CMPK1: variants seen among roughly 807,000 people sequenced by gnomAD.
The protein encoded by CMPK1 is UMP-CMP kinase.
Under a neutral mutation model 25.7 loss-of-function variants are expected in CMPK1, and 10 were observed. That is an observed-to-expected ratio of 0.39 (90% CI 0.24 to 0.66). The LOEUF (loss-of-function observed/expected upper bound fraction) is 0.66, where lower values mean the gene tolerates loss of function less well. CMPK1 is among the 30% of genes least tolerant of loss of function. The pLI is 0.48. For synonymous variants in CMPK1, 106 were observed against 101.5 expected (o/e 1.04, Z -0.27); for missense variants, 199 against 280.5 (o/e 0.71, Z 2.08).
chr1:47,339,746 C>T lies in CMPK1; in HGVS notation c.171+5630C>T, dbSNP rs1204959948. Among the ~76,000 whole-genome samples the T allele has an allele frequency of 4.5e-5, 6 of 133,424 alleles. No individual in the cohort carries two copies. The East Asian group carries it at 6.6e-4, about 15-fold the overall frequency. The allele number at this position is 133,424 out of a possible 152,430, so 87.5% of individuals were successfully genotyped here. ...TTTTTAAGACAGAGCCTTACTCTGT[C>T]GCCCAGACGGGAGTGCAGTGGCATG... On this transcript the variant is annotated intron_variant, in intron 1 of 5. Coordinates refer to ENST00000371873, the MANE Select transcript of CMPK1 (RefSeq NM_016308.3).
chr1:47,367,535 A>C (rs1480880673), intron 1 of CMPK1, among the ~76,000 whole-genome samples: 1 of 152,204 alleles, frequency 6.6e-6, no homozygotes, highest in Non-Finnish European at 1.5e-5. Context: ...ATCGAAGCTA[A>C]AGATAACATT....
intron 1 of CMPK1, among the ~76,000 whole-genome samples, chr1:47,337,305 A>C (rs1263047768): frequency 6.6e-6 from 1 of 152,072 alleles, no homozygotes; most frequent in Non-Finnish European, 1.5e-5. Flanking sequence ...TAAATAAATA[A>C]ATAAATACAT....
At chr1:47,369,976 G>A (rs1173926965) in intron 2 of CMPK1, among the ~76,000 whole-genome samples, 44 of 144,066 alleles carry the variant, frequency 3.1e-4, no homozygotes, top group African/African-American at 1.1e-3. Flanking sequence ...GTGCAGTGGC[G>A]TGAACTCGGC....
At chr1:47,356,964 CT>C (rs11286214) in intron 1 of CMPK1, among the ~76,000 whole-genome samples, 107,969 of 119,240 alleles carry the variant, frequency 0.91, 49,337 homozygotes, top group South Asian at 0.97. Flanking sequence ...CCTGGTCTGC[CT>C]TTTTTTTTTT....
intron 1 of CMPK1, among the ~76,000 whole-genome samples, chr1:47,363,076 T>C (rs367604546): frequency 2.0e-5 from 3 of 152,322 alleles, no homozygotes; most frequent in South Asian, 4.1e-4. Context: ...ATATGTCTTA[T>C]TTATATTACA....
intron 1 of CMPK1, among the ~76,000 whole-genome samples, chr1:47,349,752 T>G (rs1450791645): frequency 6.6e-6 from 1 of 151,992 alleles, no homozygotes; most frequent in African/African-American, 2.4e-5. Context: ...ATGTTCTTGT[T>G]TGTTTGTTTG....
chr1:47,373,148 C>T, intron 3 of CMPK1, 41 bp downstream of exon 3: 1 of 1,529,748 alleles, frequency 6.5e-7, no homozygotes, highest in South Asian at 1.2e-5. Context: ...CTTTAAGCAA[C>T]TGTTAGTCAA....
chr1:47,369,965 A>T (rs1423446147), intron 2 of CMPK1, among the ~76,000 whole-genome samples: 5 of 124,538 alleles, frequency 4.0e-5, no homozygotes, highest in Non-Finnish European at 7.9e-5. Flanking sequence ...CCCAGGCTGG[A>T]GTGCAGTGGC....
intron 1 of CMPK1, among the ~76,000 whole-genome samples, chr1:47,353,025 T>C (rs558516630): frequency 6.6e-6 from 1 of 152,224 alleles, no homozygotes; most frequent in African/African-American, 2.4e-5. Context: ...GGAGTAACAA[T>C]GAAGGTGATT....
At chr1:47,373,204 C>A in intron 3 of CMPK1, 97 bp downstream of exon 3, 2 of 1,152,170 alleles carry the variant, frequency 1.7e-6, no homozygotes, top group Non-Finnish European at 2.4e-6. Context: ...TTTATATTGG[C>A]AGCAGTGTTT....
At chr1:47,354,947 C>G (rs574036479) in intron 1 of CMPK1, among the ~76,000 whole-genome samples, 1 of 152,170 alleles carries the variant, frequency 6.6e-6, no homozygotes, top group South Asian at 2.1e-4. Context: ...ATACTGGTTT[C>G]TCCATATTCT....
intron 1 of CMPK1, among the ~76,000 whole-genome samples, chr1:47,358,048 CT>C (rs1646574821): frequency 6.9e-6 from 1 of 144,988 alleles, no homozygotes; most frequent in Non-Finnish European, 1.5e-5. Context: ...TAGGAGTAAC[CT>C]GTATGAGTTT....
chr1:47,378,294 A>G lies in CMPK1; in HGVS notation c.*1549A>G, dbSNP rs1368033608. ...ATTATCTTGGTTTCTTGGAAGAGAT[A>G]GGAATGAGTTCTTATCTAGTGTTGC... On this transcript the variant is annotated 3_prime_UTR_variant, in exon 6 of 6. Transcript: ENST00000371873. 1 of 152,218 alleles carries G rather than the reference A, an allele frequency of 6.6e-6. No individual in the cohort carries two copies. Among genetic ancestry groups the G allele is most frequent in the South Asian group, 2.1e-4 (1 of 4,834 alleles). The allele number at this position is 152,218 out of a possible 1,614,324, so 9.4% of individuals were successfully genotyped here.
rs1646718654 is a variant in CMPK1 at position 47,377,982 on chromosome 1, T to C, written c.*1237T>C. On this transcript the variant is annotated 3_prime_UTR_variant, in exon 6 of 6. Coordinates refer to ENST00000371873, the MANE Select transcript of CMPK1 (RefSeq NM_016308.3). ...CACAATGCTAAGTGGTATCCGAGGTTCTTAATATGAGATTTAAAATCTTAA... is the reference window on the plus strand; with the variant it reads ...CACAATGCTAAGTGGTATCCGAGGTCCTTAATATGAGATTTAAAATCTTAA... The C allele has an allele frequency of 6.6e-6, 1 of 152,392 alleles. No individual in the cohort carries two copies. The highest frequency in any genetic ancestry group is 2.4e-5 in the African/African-American group (1 of 41,464). 9.4% of individuals were successfully genotyped at this position (152,392 alleles called of 1,614,324 possible).
At chr1:47,365,283 T>TC (rs1442265575) in intron 1 of CMPK1, among the ~76,000 whole-genome samples, 3 of 151,460 alleles carry the variant, frequency 2.0e-5, no homozygotes, top group African/African-American at 7.3e-5. Context: ...TTTTTTTTTT[T>TC]TTTGTCTTGT....
chr1:47,342,652 T>TTTC (rs957516759), intron 1 of CMPK1, among the ~76,000 whole-genome samples: 4 of 143,024 alleles, frequency 2.8e-5, no homozygotes, highest in African/African-American at 7.7e-5. Context: ...CTTTTTTCTT[T>TTTC]TTTTTTTTTT....
chr1:47,335,443 C>G (rs1646389654), intron 1 of CMPK1, among the ~76,000 whole-genome samples: 1 of 152,046 alleles, frequency 6.6e-6, no homozygotes, highest in Admixed American at 6.6e-5. Flanking sequence ...TCGAGACCAG[C>G]CTGGCTAACA....
chr1:47,357,246 C>T (rs905256395), intron 1 of CMPK1, among the ~76,000 whole-genome samples: 8 of 152,070 alleles, frequency 5.3e-5, no homozygotes, highest in Non-Finnish European at 1.0e-4. Context: ...AGATTACAGG[C>T]GTGAGCCACC....
intron 1 of CMPK1, among the ~76,000 whole-genome samples, chr1:47,365,295 T>C (rs1220597011): frequency 6.8e-6 from 1 of 147,632 alleles, no homozygotes; most frequent in Non-Finnish European, 1.5e-5. Context: ...TTGTCTTGTG[T>C]TTTCGTTGTT....
Sources: allele counts gnomAD v4.1 joint callset (sites outside exome capture counted in the v4.1 genomes callset), GRCh38; gene constraint gnomAD v4.1.1; transcripts MANE v1.5; gene names NCBI Gene and HGNC (gene_info 2026-07-23, HGNC 2026-07-21).